Variants in FAM53B observed in about 807,000 individuals in gnomAD.
The protein encoded by FAM53B is family with sequence similarity 53 member B.
In FAM53B, 12 loss-of-function variants were observed where a neutral mutation model predicts 32.7. The observed-to-expected ratio is 0.37, with a 90% CI of 0.24 to 0.59. The LOEUF (loss-of-function observed/expected upper bound fraction) is 0.59. Ranked by LOEUF, FAM53B falls within the 20% of genes least tolerant of loss-of-function variation. The probability of loss-of-function intolerance (pLI) is 0.72; values close to 1 mark genes in which losing one functional copy is unlikely to be tolerated. For synonymous variants in FAM53B, 234 were observed against 228.7 expected (o/e 1.02, Z -0.21); for missense variants, 477 against 577.7 (o/e 0.83, Z 1.79).
Position 124,645,226 on chromosome 10 carries a change from G to A in FAM53B, c.907-21622C>T, listed in dbSNP as rs535125317. ...GGCCCTGCCATCACCGCCATTCTGT[G>A]GTAAGACCGCCTATCTGCTCTCTCA... On this transcript the variant is annotated intron_variant, in intron 4 of 4. Coordinates refer to ENST00000337318, the MANE Select transcript of FAM53B (RefSeq NM_014661.4). Among the ~76,000 whole-genome samples, 350 of 152,342 alleles carry A rather than the reference G, an allele frequency of 2.3e-3. 3 individuals carry two copies. The highest frequency in any genetic ancestry group is 3.7e-3 in the Non-Finnish European group (251 of 68,020).
chr10:124,632,012 C>G (rs1949394218), intron 4 of FAM53B, among the ~76,000 whole-genome samples: 1 of 152,208 alleles, frequency 6.6e-6, no homozygotes, highest in African/African-American at 2.4e-5. Flanking sequence ...GGTCGGCCCT[C>G]CCAACTGGGC....
In FAM53B at chr10:124,623,397, C is replaced by T; in HGVS notation, c.1114G>A (p.Asp372Asn). ...CTGTCTGACTCCTCACAGGACAGGT[C>T]CTCCTGGCAGGCGAGGTGGTCGTCG... ...SFDDHLACQE[D>N]LSCEESDSCA... Residue 372 changes from aspartate (D) to asparagine (N), a missense_variant, in exon 5 of 5, where the codon GAC becomes AAC. Coordinates refer to ENST00000337318, the MANE Select transcript of FAM53B (RefSeq NM_014661.4). 2 of 1,612,188 alleles carry T rather than the reference C, an allele frequency of 1.2e-6. No homozygotes were observed. Among genetic ancestry groups the T allele is most frequent in the Non-Finnish European group, 1.7e-6 (2 of 1,179,680 alleles).
chr10:124,649,281 T>C (rs566566346), intron 4 of FAM53B, among the ~76,000 whole-genome samples: 3 of 152,316 alleles, frequency 2.0e-5, no homozygotes, highest in East Asian at 3.9e-4. Context: ...AGAAAAAATA[T>C]TGTTGTCTCA....
chr10:124,698,001 G>A (rs536969815), intron 2 of FAM53B, among the ~76,000 whole-genome samples: 17 of 152,312 alleles, frequency 1.1e-4, no homozygotes, highest in African/African-American at 2.9e-4. Context: ...GATGACAAGC[G>A]CATGAGAGCA....
At chr10:124,660,153 T>G (rs190588459) in intron 4 of FAM53B, among the ~76,000 whole-genome samples, 2 of 152,214 alleles carry the variant, frequency 1.3e-5, no homozygotes, top group East Asian at 1.9e-4. Flanking sequence ...AGAAGCCCAG[T>G]GCTGCCCTCG....
At chr10:124,667,383 G>A (rs752098355) in intron 4 of FAM53B, 3 of 767,618 alleles carry the variant, frequency 3.9e-6, no homozygotes, top group Non-Finnish European at 7.3e-6. Flanking sequence ...GCCACCGCCT[G>A]TAAAATGGAT....
intron 4 of FAM53B, among the ~76,000 whole-genome samples, chr10:124,679,725 C>T (rs943033268): frequency 2.0e-5 from 3 of 152,248 alleles, no homozygotes; most frequent in African/African-American, 7.2e-5. Context: ...AGAGCAGCCT[C>T]CTCAGGCTCC....
chr10:124,643,810 G>A (rs1484822910), intron 4 of FAM53B, among the ~76,000 whole-genome samples: 1 of 152,220 alleles, frequency 6.6e-6, no homozygotes, highest in Admixed American at 6.5e-5. Flanking sequence ...TGCACGCTGG[G>A]CGGCTCCTGG....
At chr10:124,728,059 C>T (rs1950118283) in intron 1 of FAM53B, among the ~76,000 whole-genome samples, 1 of 152,232 alleles carries the variant, frequency 6.6e-6, no homozygotes, top group Non-Finnish European at 1.5e-5. Context: ...CCTGAAAACA[C>T]TCAAACGACT....
chr10:124,689,016 C>G (rs560465100), intron 3 of FAM53B, among the ~76,000 whole-genome samples: 11 of 152,260 alleles, frequency 7.2e-5, no homozygotes, highest in African/African-American at 2.6e-4. Flanking sequence ...CGAAATGCCC[C>G]GATTAGCAAG....
At chr10:124,635,655 G>A (rs993645990) in intron 4 of FAM53B, among the ~76,000 whole-genome samples, 1 of 152,138 alleles carries the variant, frequency 6.6e-6, no homozygotes, top group African/African-American at 2.4e-5. Context: ...CCTCCAAGAG[G>A]CCAAAGGCAC....
chr10:124,643,862 C>T (rs572319702), intron 4 of FAM53B, among the ~76,000 whole-genome samples: 2 of 152,342 alleles, frequency 1.3e-5, no homozygotes, highest in South Asian at 2.1e-4. Context: ...TTCTGACCAC[C>T]GCCCCATCCT....
chr10:124,700,341 A>G (rs1393222080), intron 2 of FAM53B, among the ~76,000 whole-genome samples: 1 of 152,220 alleles, frequency 6.6e-6, no homozygotes, highest in Non-Finnish European at 1.5e-5. Flanking sequence ...CACAGTGGGA[A>G]GAATGAGCCA....
At chr10:124,701,134 C>T (rs926563410) in intron 2 of FAM53B, among the ~76,000 whole-genome samples, 2 of 152,216 alleles carry the variant, frequency 1.3e-5, no homozygotes, top group African/African-American at 4.8e-5. Context: ...ACCCTGTGCA[C>T]TCCCACATTC....
At chr10:124,625,889 C>T (rs757690465) in intron 4 of FAM53B, among the ~76,000 whole-genome samples, 7 of 152,216 alleles carry the variant, frequency 4.6e-5, no homozygotes, top group Non-Finnish European at 1.0e-4. Context: ...CTGAGGTCCC[C>T]GGGGAGCCTG....
rs149115640 is a variant in FAM53B at position 124,651,768 on chromosome 10, G to A, written c.907-28164C>T. Among the ~76,000 whole-genome samples, 73 of 152,332 alleles carry A rather than the reference G, an allele frequency of 4.8e-4. 1 individual carries two copies. In the East Asian group the frequency reaches 0.011, roughly 24 times the overall value. The stretch of plus-strand genomic sequence containing the variant: ...CCCCTGCCTCAGGTCGGCAGTGACT[G>A]GGCACTGGCACATGGCGGGGACACG... On this transcript the variant is annotated intron_variant, in intron 4 of 4. Coordinates refer to ENST00000337318, the MANE Select transcript of FAM53B (RefSeq NM_014661.4). The surrounding 1 kb of genome is among the most constrained non-coding windows in gnomAD (Gnocchi z 5.2).
Position 124,709,410 on chromosome 10 carries a change from GGCA to G in FAM53B, c.-174-2526_-174-2524del, listed in dbSNP as rs372080537. ...CCGACAAGGGGCCAGGGCTCAGAGA[GGCA>G]GCAGAAGCACCAAAAGCGCCTGGGT... On this transcript the variant is annotated intron_variant, in intron 1 of 4. Transcript: ENST00000337318. Among the ~76,000 whole-genome samples the G allele has an allele frequency of 1.2e-4, 18 of 152,350 alleles. No homozygotes were observed. The East Asian group carries it at 3.5e-3, about 29-fold the overall frequency.
chr10:124,629,462 C>T (rs959108378), intron 4 of FAM53B, among the ~76,000 whole-genome samples: 2 of 152,174 alleles, frequency 1.3e-5, no homozygotes, highest in Admixed American at 1.3e-4. Flanking sequence ...GGAGCTACCT[C>T]GAGTCCCTCT....
intron 3 of FAM53B, among the ~76,000 whole-genome samples, chr10:124,692,032 G>A (rs1157295373): frequency 6.6e-6 from 1 of 152,208 alleles, no homozygotes; most frequent in Non-Finnish European, 1.5e-5. Flanking sequence ...TCATATAAAT[G>A]GCTCTTTCCC....
Sources: allele counts gnomAD v4.1 joint callset (sites outside exome capture counted in the v4.1 genomes callset), GRCh38; gene constraint gnomAD v4.1.1; non-coding constraint Gnocchi (gnomAD v3.1); transcripts MANE v1.5; gene names NCBI Gene and HGNC (gene_info 2026-07-23, HGNC 2026-07-21).